ARSB: variants seen among roughly 807,000 people sequenced by gnomAD.
ARSB encodes the protein N-acetylgalactosamine-4-sulfatase.
ARSB carries 41 observed loss-of-function variants against 50.9 expected under a neutral mutation model. The observed-to-expected ratio is 0.81, with a 90% CI of 0.63 to 1.04. ARSB has a LOEUF of 1.04. Among genes scored for constraint, ARSB ranks in the 50% least tolerant of loss-of-function variants. The pLI, the probability that ARSB is intolerant of heterozygous loss-of-function variation, is 0.00. For synonymous variants in ARSB, 269 were observed against 284.8 expected, an observed-to-expected ratio of 0.94 and a Z score of 0.56; for missense variants, 672 against 693.3, an observed-to-expected ratio of 0.97 and a Z score of 0.35.
intron 3 of ARSB, among the ~76,000 whole-genome samples, chr5:78,963,069 C>T (rs1207081381): frequency 6.6e-6 from 1 of 152,204 alleles, no homozygotes; most frequent in Non-Finnish European, 1.5e-5. Flanking sequence ...CTGTCTGGGT[C>T]ATGGAGGTGG....
At chr5:78,791,897 G>C (rs1248164605) in intron 6 of ARSB, among the ~76,000 whole-genome samples, 1 of 152,180 alleles carries the variant, frequency 6.6e-6, no homozygotes, top group Non-Finnish European at 1.5e-5. Flanking sequence ...GTGCACAGCT[G>C]TTTTGGATGG....
At position 78,893,682 on chromosome 5, in the gene ARSB, C is replaced by T. The variant is rs77599025; in HGVS notation, c.899-7855G>A. Among the ~76,000 whole-genome samples the T allele has an allele frequency of 3.9e-5, 6 of 152,336 alleles. No individual in the cohort carries two copies. The East Asian group carries it at 1.2e-3, about 29-fold the overall frequency. ...CTGTAATTTAAAACATAAGTATTCA[C>T]AGATCTTGGAGATCTTTAGATGAAA... is the stretch of plus-strand genomic sequence containing the variant. On this transcript the variant is annotated intron_variant, in intron 4 of 7. Transcript: ENST00000264914.
At chr5:78,875,553 G>A (rs1200919243) in intron 5 of ARSB, among the ~76,000 whole-genome samples, 3 of 152,028 alleles carry the variant, frequency 2.0e-5, no homozygotes, top group Admixed American at 1.3e-4. Context: ...AACAAGACAG[G>A]ATTGCAGTTT....
rs1235615175 is a variant in ARSB, at chr5:78,955,487, G to A, written c.706C>T (p.Leu236Phe). 1 of 1,614,046 alleles carries A rather than the reference G, an allele frequency of 6.2e-7. No homozygotes were observed. Among genetic ancestry groups the A allele is most frequent in the Non-Finnish European group, 8.5e-7 (1 of 1,179,936 alleles). Residue 236 changes from leucine to phenylalanine, a missense_variant, in exon 4 of 8, where the codon CTT (leucine) becomes TTT (phenylalanine). By Grantham distance (22) the Leu-to-Phe change is conservative (BLOSUM62 0). Coordinates refer to ENST00000264914, the MANE Select transcript of ARSB (RefSeq NM_000046.5). ...GGCTCATGCACAGACTGGAGAGCAAGGTAGAGAAACAGAGGCTGGAAAGAA... is the reference window on the plus strand; with the variant it reads ...GGCTCATGCACAGACTGGAGAGCAAAGTAGAGAAACAGAGGCTGGAAAGAA... ...HPPEKPLFLYLALQSVHEPLQ... is the reference protein window; with the variant it reads ...HPPEKPLFLYFALQSVHEPLQ...
At chr5:78,872,729 T>C (rs1176867655) in intron 5 of ARSB, among the ~76,000 whole-genome samples, 1 of 143,124 alleles carries the variant, frequency 7.0e-6, no homozygotes, top group East Asian at 2.0e-4. Flanking sequence ...GACGAGTTAG[T>C]GGGTGCAGCG....
intron 2 of ARSB, among the ~76,000 whole-genome samples, chr5:78,967,441 A>C (rs1752253966): frequency 6.6e-6 from 1 of 152,132 alleles, no homozygotes; most frequent in Admixed American, 6.5e-5. Flanking sequence ...TTGGGAGGCC[A>C]AGATGGGTGG....
chr5:78,936,943 G>C (rs1475030718), intron 4 of ARSB, among the ~76,000 whole-genome samples: 1 of 152,118 alleles, frequency 6.6e-6, no homozygotes, highest in African/African-American at 2.4e-5. Context: ...TTAGCAGCTT[G>C]TGACAACCTG....
intron 6 of ARSB, among the ~76,000 whole-genome samples, chr5:78,790,716 C>G (rs1749213069): frequency 6.6e-6 from 1 of 152,168 alleles, no homozygotes; most frequent in Non-Finnish European, 1.5e-5. Flanking sequence ...CTATTATCAT[C>G]AGTATAATAT....
At chr5:78,970,345 A>G (rs1241216184) in intron 1 of ARSB, among the ~76,000 whole-genome samples, 1 of 152,192 alleles carries the variant, frequency 6.6e-6, no homozygotes, top group African/African-American at 2.4e-5. Context: ...CTTCTCACTT[A>G]ACTATTTGGT....
chr5:78,839,838 A>G (rs1392727105), intron 5 of ARSB, among the ~76,000 whole-genome samples: 1 of 152,222 alleles, frequency 6.6e-6, no homozygotes, highest in African/African-American at 2.4e-5. Context: ...TACAGATGCA[A>G]CATGCCTCTT....
chr5:78,806,100 G>C (rs1743550122), intron 6 of ARSB, among the ~76,000 whole-genome samples: 1 of 152,232 alleles, frequency 6.6e-6, no homozygotes, highest in African/African-American at 2.4e-5. Context: ...ATACAATAGA[G>C]AGAAAATAGG....
chr5:78,834,808 G>T (rs898906197), intron 6 of ARSB, among the ~76,000 whole-genome samples: 2 of 151,482 alleles, frequency 1.3e-5, no homozygotes, highest in African/African-American at 4.9e-5. Context: ...TCAGAAGTGG[G>T]ATTGCTGGAT....
At chr5:78,949,139 T>C (rs959206552) in intron 4 of ARSB, among the ~76,000 whole-genome samples, 5 of 152,172 alleles carry the variant, frequency 3.3e-5, no homozygotes, top group African/African-American at 9.7e-5. Context: ...TGAGAATAAC[T>C]ATGCTAAGAT....
At chr5:78,966,929 A>ATT (rs1752231856) in intron 2 of ARSB, among the ~76,000 whole-genome samples, 1 of 146,292 alleles carries the variant, frequency 6.8e-6, no homozygotes, top group African/African-American at 2.5e-5. Context: ...GTCCATTTAA[A>ATT]AAAAAAAAAA....
At chr5:78,975,919 A>G (rs375548279) in intron 1 of ARSB, among the ~76,000 whole-genome samples, 37 of 152,366 alleles carry the variant, frequency 2.4e-4, no homozygotes, top group African/African-American at 8.2e-4. Flanking sequence ...CAAAGGTATA[A>G]TGAATATTTT....
chr5:78,904,685 CTTTTTTT>C (rs55920994), intron 4 of ARSB, among the ~76,000 whole-genome samples: 3 of 98,930 alleles, frequency 3.0e-5, no homozygotes, highest in African/African-American at 4.1e-5. Flanking sequence ...TTCTTTCTTT[CTTTTTTT>C]TTTTTTTTTT....
chr5:78,897,431 G>A (rs947615957), intron 4 of ARSB, among the ~76,000 whole-genome samples: 3 of 152,172 alleles, frequency 2.0e-5, no homozygotes, highest in African/African-American at 7.2e-5. Context: ...CTTTCAAGAG[G>A]CTTCACAGGT....
rs1254252820 is a variant in ARSB, at chr5:78,778,516, C to T, written c.*1881G>A. The T allele has an allele frequency of 2.6e-5, 4 of 152,112 alleles. No individual in the cohort carries two copies. The highest frequency in any genetic ancestry group is 5.9e-5 in the Non-Finnish European group (4 of 68,020). 9.4% of individuals were successfully genotyped at this position (152,112 alleles called of 1,614,324 possible). A position where few individuals can be genotyped will look rare whatever the true frequency, so the allele number is the denominator to read the frequency against. On this transcript the variant is annotated 3_prime_UTR_variant, in exon 8 of 8. Transcript: ENST00000264914. ...TTTGGTAGGCACAGTTCCTTTTCTC[C>T]CCCCACTGGAGAGGACGCTACAACC...
chr5:78,805,367 T>C (rs1441827521), intron 6 of ARSB, among the ~76,000 whole-genome samples: 1 of 152,258 alleles, frequency 6.6e-6, no homozygotes, highest in African/African-American at 2.4e-5. Context: ...TAAACTGTTG[T>C]GATTTTATAC....
Sources: gnomAD v4.1 joint callset for allele counts (sites outside exome capture counted in the v4.1 genomes callset) on GRCh38, gnomAD v4.1.1 for gene constraint, MANE v1.5 for transcripts, NCBI Gene and HGNC (gene_info 2026-07-23, HGNC 2026-07-21) for gene names.